The following STRADB variants were observed in gnomAD, a reference collection of about 807,000 sequenced individuals.
The protein encoded by STRADB is STE20-related kinase adapter protein beta.
STRADB carries 34 observed loss-of-function variants against 52.1 expected under a neutral mutation model. The observed-to-expected ratio is 0.65, with a 90% CI of 0.50 to 0.87. STRADB has a LOEUF of 0.87. Among genes scored for constraint, STRADB ranks in the 40% least tolerant of loss-of-function variants. The pLI is 0.00. For missense variants in STRADB, 340 were observed against 483.9 expected (o/e 0.70, Z 2.79); for synonymous variants, 133 against 174.5 (o/e 0.76, Z 1.87).
intron 2 of STRADB, among the ~76,000 whole-genome samples, chr2:201,455,570 G>A (rs932394121): frequency 6.6e-6 from 1 of 151,996 alleles, no homozygotes; most frequent in Non-Finnish European, 1.5e-5. Context: ...GCCAGACGTA[G>A]TGTCATATGC....
chr2:201,478,593 T>C lies in STRADB; in HGVS notation c.1062T>C (p.Pro354=). The stretch of plus-strand genomic sequence containing the variant: ...TACAGCTCTGTTTGCAACAAGATCC[T>C]GAGAAAAGGTAATATTGATCTCTTT... The part of the protein sequence containing the change: ...SLVQLCLQQD[P]EKRPSASSLL... Residue 354 remains proline (P), a synonymous_variant, in exon 10 of 12, where the codon CCT becomes CCC. Transcript: ENST00000194530. 1 of 1,613,876 alleles carries C rather than the reference T, an allele frequency of 6.2e-7. No individual in the cohort carries two copies. Among genetic ancestry groups the C allele is most frequent in the Non-Finnish European group, 8.5e-7 (1 of 1,179,950 alleles).
intron 7 of STRADB, among the ~76,000 whole-genome samples, 197 bp from the exon 8 acceptor site, chr2:201,477,422 G>GC (rs1383004637): frequency 2.0e-5 from 3 of 152,318 alleles, no homozygotes; most frequent in African/African-American, 7.2e-5. Context: ...GCTGTAGTAA[G>GC]TAGCTGAAAG....
intron 2 of STRADB, among the ~76,000 whole-genome samples, chr2:201,458,023 C>CAA (rs528442329): frequency 7.1e-6 from 1 of 140,070 alleles, no homozygotes; most frequent in Admixed American, 7.1e-5. Context: ...GACTCCGTCT[C>CAA]AAAAAAAAAA....
At chr2:201,469,710 A>G (rs1368360502) in intron 3 of STRADB, among the ~76,000 whole-genome samples, 16 of 152,212 alleles carry the variant, frequency 1.1e-4, no homozygotes. Context: ...TACACTGGGA[A>G]GTATTCCTTG....
intron 3 of STRADB, among the ~76,000 whole-genome samples, chr2:201,469,341 C>T (rs567196545): frequency 2.0e-5 from 3 of 152,334 alleles, no homozygotes; most frequent in Non-Finnish European, 4.4e-5. Flanking sequence ...TTCACTGTCA[C>T]TGTATTCAGG....
At chr2:201,468,085 C>CTTTTCTTTTTTTTTTTTTTTTTTTT (rs1559465545) in intron 3 of STRADB, among the ~76,000 whole-genome samples, 1 of 71,036 alleles carries the variant, frequency 1.4e-5, no homozygotes, top group Non-Finnish European at 2.9e-5. Flanking sequence ...TTTTTTTTTT[C>CTTTTCTTTTTTTTTTTTTTTTTTTT]TTTTTTTTTT....
chr2:201,454,917 C>T (rs1358598935), intron 2 of STRADB, 65 bp downstream of exon 2: 22 of 1,479,894 alleles, frequency 1.5e-5, no homozygotes, highest in Non-Finnish European at 2.0e-5. Context: ...AATGCCAAGC[C>T]ATAATAAAAG....
chr2:201,473,959 T>G (rs1035396025), intron 5 of STRADB, among the ~76,000 whole-genome samples: 1 of 151,318 alleles, frequency 6.6e-6, no homozygotes, highest in Non-Finnish European at 1.5e-5. Context: ...GGCGCGATCT[T>G]GGCTCACTGC....
chr2:201,460,334 G>C (rs1345768136), intron 3 of STRADB, among the ~76,000 whole-genome samples: 1 of 151,986 alleles, frequency 6.6e-6, no homozygotes, highest in African/African-American at 2.4e-5. Context: ...ATTACTAAAT[G>C]GGTAAATGGT....
intron 2 of STRADB, 152 bp downstream of exon 2, chr2:201,455,004 TA>T: frequency 1.7e-6 from 1 of 605,148 alleles, no homozygotes; most frequent in Non-Finnish European, 2.7e-6. Context: ...AGAAATGAAT[TA>T]CATTCTCATT....
intron 2 of STRADB, among the ~76,000 whole-genome samples, chr2:201,457,739 A>G (rs1952148014): frequency 1.3e-5 from 2 of 152,256 alleles, no homozygotes; most frequent in Admixed American, 1.3e-4. Context: ...AAAATTCTGA[A>G]ATGGCTGTGG....
In STRADB at chr2:201,480,253, A is replaced by C; in HGVS notation, c.*78A>C. 2 of 1,582,316 alleles carry C rather than the reference A, an allele frequency of 1.3e-6. No individual in the cohort carries two copies. Among genetic ancestry groups the C allele is most frequent in the South Asian group, 2.3e-5 (2 of 85,366 alleles). On this transcript the variant is annotated 3_prime_UTR_variant, in exon 12 of 12. Transcript: ENST00000194530. The stretch of plus-strand genomic sequence containing the variant: ...TTTTCTTCTGTATTTCTAGGTACAA[A>C]TACCAGAATTATACTTGAAAATACA...
chr2:201,454,369 A>G (rs1952096585), intron 1 of STRADB, among the ~76,000 whole-genome samples: 2 of 152,236 alleles, frequency 1.3e-5, no homozygotes, highest in African/African-American at 4.8e-5. Flanking sequence ...GACACTGTTT[A>G]TATCAAAAGT....
intron 10 of STRADB, 82 bp from the exon 11 acceptor site, chr2:201,479,407 C>A: frequency 7.5e-7 from 1 of 1,331,410 alleles, no homozygotes; most frequent in South Asian, 1.3e-5. Flanking sequence ...AGCACTAAAC[C>A]TAATTTCTAA....
chr2:201,453,470 T>C (rs1161153532), intron 1 of STRADB, among the ~76,000 whole-genome samples: 12 of 152,134 alleles, frequency 7.9e-5, no homozygotes, highest in Non-Finnish European at 7.4e-5. Context: ...TAAACACTTG[T>C]GTAATGATTA....
At chr2:201,477,397 T>C (rs1170605506) in intron 7 of STRADB, among the ~76,000 whole-genome samples, 2 of 152,162 alleles carry the variant, frequency 1.3e-5, no homozygotes, top group African/African-American at 4.8e-5. Flanking sequence ...CAATTATATC[T>C]TTACTTGTGT....
intron 3 of STRADB, among the ~76,000 whole-genome samples, chr2:201,463,768 C>T (rs539289392): frequency 6.6e-6 from 1 of 151,742 alleles, no homozygotes; most frequent in East Asian, 1.9e-4. Context: ...TATAGGTGTG[C>T]TTCATTCTTT....
At chr2:201,459,323 T>G (rs1029708092) in intron 3 of STRADB, among the ~76,000 whole-genome samples, 1 of 152,124 alleles carries the variant, frequency 6.6e-6, no homozygotes, top group Non-Finnish European at 1.5e-5. Context: ...CCAGACTCTT[T>G]CCTGGGCAAC....
rs572567667 is a variant in STRADB, at chr2:201,468,803, T to C, written c.94-1150T>C. 4.6e-5 allele frequency among the ~76,000 whole-genome samples: 7 copies of C among 152,380 alleles called. No individual in the cohort carries two copies. The South Asian group carries it at 1.4e-3, about 32-fold the overall frequency. Reference sequence around the variant, plus strand: ...ACTTAAAAAATTTTTAAAGCTGTTATATGTTCTTTCTGTCTCTTTTATGTG... The same window carrying C: ...ACTTAAAAAATTTTTAAAGCTGTTACATGTTCTTTCTGTCTCTTTTATGTG... On this transcript the variant is annotated intron_variant, in intron 3 of 11. Coordinates refer to ENST00000194530, the MANE Select transcript of STRADB (RefSeq NM_018571.6).
Sources: allele counts gnomAD v4.1 joint callset (sites outside exome capture counted in the v4.1 genomes callset), GRCh38; gene constraint gnomAD v4.1.1; transcripts MANE v1.5; gene names NCBI Gene and HGNC (gene_info 2026-07-23, HGNC 2026-07-21).